Variants in ZNF782 observed in about 807,000 individuals in gnomAD.
ZNF782 encodes zinc finger protein 782.
In ZNF782, 12 loss-of-function variants were observed where a neutral mutation model predicts 13.0. The observed-to-expected ratio is 0.92, with a 90% CI of 0.59 to 1.50. ZNF782 has a LOEUF of 1.50. Ranked by LOEUF, ZNF782 falls within the 40% of genes most tolerant of loss-of-function variation. ZNF782 has a pLI of 0.00. For synonymous variants in ZNF782, 284 were observed against 283.0 expected (o/e 1.00, Z -0.04); for missense variants, 770 against 822.9 (o/e 0.94, Z 0.79).
At chr9:96,926,679 G>A in the ZNF782 span, among the ~76,000 whole-genome samples, 1 of 152,020 alleles carries the variant, frequency 6.6e-6, no homozygotes, top group Non-Finnish European at 1.5e-5. Flanking sequence ...GTTAGGAAAT[G>A]ACTTTTTCCC....
chr9:96,871,507 A>G (rs1851828134), intron 1 of ZNF782, among the ~76,000 whole-genome samples: 1 of 152,142 alleles, frequency 6.6e-6, no homozygotes, highest in African/African-American at 2.4e-5. Context: ...TGTCTCATCA[A>G]TATCTGCTAT....
Position 96,816,895 on chromosome 9 carries a change from A to G in ZNF782, c.*1028T>C, listed in dbSNP as rs1850189908. On this transcript the variant is annotated 3_prime_UTR_variant, in exon 6 of 6. Coordinates refer to ENST00000481138, the MANE Select transcript of ZNF782 (RefSeq NM_001001662.3). ...TTGTCCTATGTGACTTTTCTGACAT[A>G]CACTGAGTTCAGATGTCCTGAAAAA... 6.6e-6 allele frequency: 1 copy of G among 152,232 alleles called. No homozygotes were observed. The highest frequency in any genetic ancestry group is 1.5e-5 in the Non-Finnish European group (1 of 68,048). 9.4% of individuals were successfully genotyped at this position (152,232 alleles called of 1,614,324 possible).
rs115969785 is a variant in ZNF782, at chr9:96,838,480, T to C, written c.142+6410A>G. 7.9e-3 allele frequency among the ~76,000 whole-genome samples: 1,202 copies of C among 152,292 alleles called. 18 individuals carry two copies. The highest frequency in any genetic ancestry group is 0.027 in the African/African-American group (1,124 of 41,554). ...CGGTGTTTAAATCTCCCTATTTTAA[T>C]TGTAGATTTGTGTATTTCTCTTTTT... On this transcript the variant is annotated intron_variant, in intron 4 of 5. Coordinates refer to ENST00000481138, the MANE Select transcript of ZNF782 (RefSeq NM_001001662.3).
intron 4 of ZNF782, among the ~76,000 whole-genome samples, chr9:96,831,526 G>T (rs1305003927): frequency 6.6e-6 from 1 of 151,932 alleles, no homozygotes; most frequent in Non-Finnish European, 1.5e-5. Context: ...TGGCTAACAT[G>T]GTGAAACTCT....
chr9:96,860,009 G>T (rs561595511), intron 3 of ZNF782, among the ~76,000 whole-genome samples: 3 of 152,258 alleles, frequency 2.0e-5, no homozygotes, highest in Admixed American at 2.0e-4. Flanking sequence ...CTGTGATGAC[G>T]TCGTAGGTGG....
At chr9:96,906,316 A>G in the ZNF782 span, among the ~76,000 whole-genome samples, 1 of 148,390 alleles carries the variant, frequency 6.7e-6, no homozygotes, top group Non-Finnish European at 1.5e-5. Context: ...ATGGACACCA[A>G]CTGGGTGTCC....
chr9:96,917,400 G>A, the ZNF782 span, among the ~76,000 whole-genome samples: 3 of 151,806 alleles, frequency 2.0e-5, no homozygotes, highest in Non-Finnish European at 4.4e-5. Context: ...CTAACAATAG[G>A]CGACTGATTC....
At position 96,819,186 on chromosome 9, in the gene ZNF782, A is replaced by G. The variant is rs759731357; in HGVS notation, c.837T>C (p.Cys279=). Reference sequence around the variant, plus strand: ...GAGTTTTGTGAGTGATTCTACAGAAACAATTTCCAGTATCATTAAACTCAT... The same window carrying G: ...GAGTTTTGTGAGTGATTCTACAGAAGCAATTTCCAGTATCATTAAACTCAT... ...SHYEFNDTGN[C]FCRITHKTLT... Residue 279 remains cysteine, a synonymous_variant, in exon 6 of 6, where the codon TGT becomes TGC. Transcript: ENST00000481138. 5 of 1,612,132 alleles carry G rather than the reference A, an allele frequency of 3.1e-6. No individual in the cohort carries two copies. The South Asian group carries it at 3.3e-5, about 11-fold the overall frequency.
chr9:96,911,937 C>T, the ZNF782 span, among the ~76,000 whole-genome samples: 1 of 151,950 alleles, frequency 6.6e-6, no homozygotes, highest in Admixed American at 6.6e-5. Context: ...TGGCGGCTCA[C>T]GCCTGTAATC....
the ZNF782 span, among the ~76,000 whole-genome samples, chr9:96,922,789 T>A: frequency 6.7e-6 from 1 of 148,816 alleles, no homozygotes; most frequent in Admixed American, 6.6e-5. Context: ...AAAAAAAAAA[T>A]TATAACTTGG....
At chr9:96,840,369 T>G (rs1851149397) in intron 4 of ZNF782, among the ~76,000 whole-genome samples, 1 of 152,030 alleles carries the variant, frequency 6.6e-6, no homozygotes. Context: ...ATCCTTAGAG[T>G]TTTTCTCAAG....
intron 1 of ZNF782, among the ~76,000 whole-genome samples, chr9:96,867,189 A>G (rs1475575391): frequency 6.6e-6 from 1 of 152,202 alleles, no homozygotes; most frequent in Non-Finnish European, 1.5e-5. Flanking sequence ...CCCAAATCTC[A>G]TCTTGAATTT....
Position 96,843,552 on chromosome 9 carries a change from T to C in ZNF782, c.142+1338A>G, listed in dbSNP as rs1198701465. 3.9e-5 allele frequency among the ~76,000 whole-genome samples: 6 copies of C among 152,238 alleles called. No homozygotes were observed. The South Asian group carries it at 6.2e-4, about 16-fold the overall frequency. On this transcript the variant is annotated intron_variant, in intron 4 of 5. Coordinates refer to ENST00000481138, the MANE Select transcript of ZNF782 (RefSeq NM_001001662.3). ...CAGCATGGGTGTGACTATGAATGAG[T>C]AGCACCAAAGAGATCTTTGTGGTGA...
At position 96,818,432 on chromosome 9, in the gene ZNF782, C is replaced by G; in HGVS notation, c.1591G>C (p.Glu531Gln). ...LRKHHRTHTG[E>Q]KPYKCNQCGK... ...CACTGATTACATTTGTAGGGCTTCT[C>G]CCCTGTGTGTGTTCTATGATGTTTC... The change falls in exon 6 of 6, where the codon GAG (glutamate) becomes CAG (glutamine). Residue 531 changes from glutamate to glutamine, a missense_variant. Coordinates refer to ENST00000481138, the MANE Select transcript of ZNF782 (RefSeq NM_001001662.3). 2 of 1,614,186 alleles carry G rather than the reference C, an allele frequency of 1.2e-6. No homozygotes were observed. The highest frequency in any genetic ancestry group is 1.1e-5 in the South Asian group (1 of 91,080).
In ZNF782 at chr9:96,842,748, A is replaced by G. The variant is rs965971505; in HGVS notation, c.142+2142T>C. 3.9e-5 allele frequency among the ~76,000 whole-genome samples: 6 copies of G among 152,118 alleles called. No homozygotes were observed. In the South Asian group the frequency reaches 8.3e-4, roughly 21 times the overall value. On this transcript the variant is annotated intron_variant, in intron 4 of 5. Coordinates refer to ENST00000481138, the MANE Select transcript of ZNF782 (RefSeq NM_001001662.3). ...TTATGCTCTACAAAACACCCCATGA[A>G]GAGGATGAAAAGACAAGTTACAGAC...
chr9:96,928,124 C>G, the ZNF782 span, among the ~76,000 whole-genome samples: 1 of 151,712 alleles, frequency 6.6e-6, no homozygotes, highest in Non-Finnish European at 1.5e-5. Flanking sequence ...GAAGGCTGGT[C>G]ATTGCCTATT....
the ZNF782 span, among the ~76,000 whole-genome samples, chr9:96,917,501 G>C: frequency 6.6e-6 from 1 of 151,382 alleles, no homozygotes. Context: ...GTGCAATCTC[G>C]GCTCACTGCA....
rs1235928251 is a variant in ZNF782 at position 96,824,722 on chromosome 9, T to C, written c.244+2358A>G. ...TTCAGCAAAGTCTCAGGATACAAAA[T>C]CAATGTACAAAAATCACAAGCATTC... On this transcript the variant is annotated intron_variant, in intron 5 of 5. Transcript: ENST00000481138. Among the ~76,000 whole-genome samples, 542 of 143,188 alleles carry C rather than the reference T, an allele frequency of 3.8e-3. 4 individuals carry two copies. The highest frequency in any genetic ancestry group is 0.013 in the African/African-American group (503 of 38,438). 93.9% of individuals were successfully genotyped at this position (143,188 alleles called of 152,430 possible).
At chr9:96,848,731 T>C (rs905780125) in intron 3 of ZNF782, among the ~76,000 whole-genome samples, 1 of 152,164 alleles carries the variant, frequency 6.6e-6, no homozygotes, top group Non-Finnish European at 1.5e-5. Context: ...AGAATCAATA[T>C]TGTGAAAATG....
Sources: gnomAD v4.1 joint callset for allele counts (sites outside exome capture counted in the v4.1 genomes callset) on GRCh38, gnomAD v4.1.1 for gene constraint, MANE v1.5 for transcripts, NCBI Gene and HGNC (gene_info 2026-07-23, HGNC 2026-07-21) for gene names.